Variants in ARPC1A observed in about 807,000 individuals in gnomAD.
The protein encoded by ARPC1A is actin-related protein 2/3 complex subunit 1A.
In ARPC1A, 8 loss-of-function variants were observed where a neutral mutation model predicts 46.9. The ratio of observed to expected loss-of-function variants is 0.17; its 90% confidence interval spans 0.10 to 0.31. ARPC1A has a LOEUF of 0.31. Ranked by LOEUF, ARPC1A falls within the 10% of genes least tolerant of loss-of-function variation. The pLI is 1.00. For synonymous variants in ARPC1A, 152 were observed against 169.0 expected, an observed-to-expected ratio of 0.90 and a Z score of 0.78; for missense variants, 286 against 483.6, an observed-to-expected ratio of 0.59 and a Z score of 3.83.
intron 6 of ARPC1A, among the ~76,000 whole-genome samples, chr7:99,354,558 T>TGCAG (rs1793600863): frequency 6.9e-6 from 1 of 144,870 alleles, no homozygotes; most frequent in African/African-American, 2.5e-5. Flanking sequence ...CAATGAAAAC[T>TGCAG]GCAGGCAGGC....
intron 6 of ARPC1A, 60 bp downstream of exon 6, chr7:99,354,181 G>A: frequency 6.4e-7 from 1 of 1,564,514 alleles, no homozygotes; most frequent in Non-Finnish European, 8.7e-7. Context: ...CTCACCAGCT[G>A]AACCAGGACT....
intron 6 of ARPC1A, among the ~76,000 whole-genome samples, chr7:99,356,981 C>T (rs1000184445): frequency 1.4e-4 from 21 of 152,150 alleles, no homozygotes; most frequent in African/African-American, 4.8e-4. Context: ...CATAAACAGG[C>T]ACTTATATAT....
At chr7:99,349,990 G>T (rs182632057) in intron 5 of ARPC1A, among the ~76,000 whole-genome samples, 165 of 152,242 alleles carry the variant, frequency 1.1e-3, no homozygotes, top group African/African-American at 3.9e-3. Context: ...CAGCCTGGGC[G>T]ACAGAGTAAG....
At chr7:99,331,163 C>G (rs1057366519) in intron 1 of ARPC1A, among the ~76,000 whole-genome samples, 15 of 152,164 alleles carry the variant, frequency 9.9e-5, no homozygotes, top group Admixed American at 2.6e-4. Flanking sequence ...AATCCCAGCA[C>G]TTTGGGAGGC....
chr7:99,347,699 G>A (rs981208478), intron 4 of ARPC1A, among the ~76,000 whole-genome samples: 2 of 151,688 alleles, frequency 1.3e-5, no homozygotes, highest in South Asian at 4.2e-4. Context: ...GTAAGACTCT[G>A]TCTCAAAAAA....
chr7:99,348,321 G>C (rs890115693), intron 4 of ARPC1A, among the ~76,000 whole-genome samples: 1 of 152,324 alleles, frequency 6.6e-6, no homozygotes, highest in South Asian at 2.1e-4. Flanking sequence ...TTACTAATGA[G>C]GACTGCTGAA....
chr7:99,365,221 T>C (rs1347428381), intron 9 of ARPC1A, among the ~76,000 whole-genome samples: 1 of 151,300 alleles, frequency 6.6e-6, no homozygotes. Context: ...GAGGCCGAGG[T>C]GGGAGAATCG....
intron 1 of ARPC1A, among the ~76,000 whole-genome samples, chr7:99,333,003 TCTC>T (rs1474417397): frequency 6.6e-6 from 1 of 151,996 alleles, no homozygotes; most frequent in Non-Finnish European, 1.5e-5. Flanking sequence ...TGCAAGCAAT[TCTC>T]CTGCCTCAGC....
At chr7:99,344,543 C>A in intron 4 of ARPC1A, 28 bp downstream of exon 4, 2 of 1,607,212 alleles carry the variant, frequency 1.2e-6, no homozygotes, top group Non-Finnish European at 1.7e-6. Flanking sequence ...TTTTTCTATC[C>A]CTCTCTATAG....
At chr7:99,335,818 G>A (rs1166397535) in intron 2 of ARPC1A, among the ~76,000 whole-genome samples, 5 of 152,158 alleles carry the variant, frequency 3.3e-5, no homozygotes, top group African/African-American at 1.2e-4. Flanking sequence ...GCCCGGTGTG[G>A]TGGCGGGCGC....
chr7:99,353,879 T>C lies in ARPC1A; in HGVS notation c.501-30T>C, dbSNP rs762210479. 29 of 1,602,636 alleles carry C rather than the reference T, an allele frequency of 1.8e-5. No individual in the cohort carries two copies. In the East Asian group the frequency reaches 6.5e-4, roughly 36 times the overall value. On this transcript the variant is annotated intron_variant, in intron 5 of 9. Transcript: ENST00000262942. ...TCTATATACATATATTTTCATTTGC[T>C]TTTTCCTTTTCTCTCTGCCCTTTAA...
chr7:99,326,735 C>G (rs1301135170), intron 1 of ARPC1A, among the ~76,000 whole-genome samples: 1 of 152,148 alleles, frequency 6.6e-6, no homozygotes, highest in Non-Finnish European at 1.5e-5. Context: ...AGTTCCTGGC[C>G]GAGAGTAGGT....
intron 9 of ARPC1A, among the ~76,000 whole-genome samples, chr7:99,364,731 G>GATATATATTTATATATATATATATATAT (rs1260020315): frequency 1.3e-5 from 2 of 152,052 alleles, no homozygotes; most frequent in Non-Finnish European, 2.9e-5. Flanking sequence ...TAACTATATA[G>GATATATATTTATATATATATATATATAT]ATATATATTT....
chr7:99,357,861 G>T (rs1004923168), intron 6 of ARPC1A, among the ~76,000 whole-genome samples: 1 of 152,210 alleles, frequency 6.6e-6, no homozygotes. Context: ...CTAACACAGT[G>T]CCTGGCCGTC....
At chr7:99,339,659 A>G (rs574202502) in intron 3 of ARPC1A, among the ~76,000 whole-genome samples, 2 of 152,344 alleles carry the variant, frequency 1.3e-5, no homozygotes, top group East Asian at 1.9e-4. Flanking sequence ...AGATCCATCT[A>G]TGTTGCTGTC....
At position 99,366,089 on chromosome 7, in the gene ARPC1A, GTTTT is replaced by G. The variant is rs1258645507; in HGVS notation, c.*164_*167del. On this transcript the variant is annotated 3_prime_UTR_variant, in exon 10 of 10. Coordinates refer to ENST00000262942, the MANE Select transcript of ARPC1A (RefSeq NM_006409.4). ...GAATATAAAATTGGTGAAAGTGTTG[GTTTT>G]TTTAAGGCAGTAATTTTTTTGTTTG... 2 of 860,736 alleles carry G rather than the reference GTTTT, an allele frequency of 2.3e-6. No homozygotes were observed. Among genetic ancestry groups the G allele is most frequent in the Non-Finnish European group, 1.7e-6 (1 of 578,684 alleles). The allele number at this position is 860,736 out of a possible 1,614,324, so 53.3% of individuals were successfully genotyped here.
chr7:99,343,475 AAAAG>A (rs1208372363), intron 3 of ARPC1A, among the ~76,000 whole-genome samples: 123 of 151,502 alleles, frequency 8.1e-4, no homozygotes, highest in Admixed American at 2.0e-4. Context: ...TCAAAAAAAA[AAAAG>A]AAAGAAAAGA....
chr7:99,335,186 C>T (rs1051375945), intron 2 of ARPC1A, among the ~76,000 whole-genome samples: 3 of 152,066 alleles, frequency 2.0e-5, no homozygotes, highest in African/African-American at 4.8e-5. Context: ...GACAGGGATG[C>T]GCTATGTCAC....
chr7:99,353,107 G>C (rs1584383661), intron 5 of ARPC1A, among the ~76,000 whole-genome samples: 1 of 140,900 alleles, frequency 7.1e-6, no homozygotes, highest in Admixed American at 7.2e-5. Flanking sequence ...GTTTAGTTTA[G>C]TTTAGTTTAT....
Sources: gnomAD v4.1 joint callset for allele counts (sites outside exome capture counted in the v4.1 genomes callset) on GRCh38, gnomAD v4.1.1 for gene constraint, MANE v1.5 for transcripts, NCBI Gene and HGNC (gene_info 2026-07-23, HGNC 2026-07-21) for gene names.